TDRD9: variants seen among roughly 807,000 people sequenced by gnomAD.
The protein encoded by TDRD9 is ATP-dependent RNA helicase TDRD9.
TDRD9 carries 124 observed loss-of-function variants against 172.6 expected under a neutral mutation model. The ratio of observed to expected loss-of-function variants is 0.72; its 90% CI spans 0.62 to 0.83. TDRD9 has a LOEUF of 0.83. TDRD9 is among the 40% of genes least tolerant of loss of function. TDRD9 has a pLI of 0.00. For synonymous variants in TDRD9, 619 were observed against 617.1 expected (o/e 1.00, Z -0.05); for missense variants, 1,479 against 1,714.1 (o/e 0.86, Z 2.42).
chr14:103,949,101 C>T (rs1319531936), intron 1 of TDRD9, among the ~76,000 whole-genome samples: 1 of 152,066 alleles, frequency 6.6e-6, no homozygotes, highest in Non-Finnish European at 1.5e-5. Flanking sequence ...GTGAAGGTTG[C>T]ATAACATGAA....
Position 103,928,477 on chromosome 14 carries a change from C to A in TDRD9, c.-33C>A. 7.0e-7 allele frequency: 1 copy of A among 1,427,478 alleles called. No individual in the cohort carries two copies. Among genetic ancestry groups the A allele is most frequent in the Non-Finnish European group, 9.3e-7 (1 of 1,081,028 alleles). The allele number at this position is 1,427,478 out of a possible 1,614,324, so 88.4% of individuals were successfully genotyped here. ...GCCTGTTCCCGCCGCGGAGACCCGG[C>A]AGTTGGGGGATGCCGACGCCTGGGC... On this transcript the variant is annotated 5_prime_UTR_variant, in exon 1 of 36. Transcript: ENST00000409874.
intron 5 of TDRD9, among the ~76,000 whole-genome samples, chr14:103,969,724 C>G (rs1441793298): frequency 6.6e-6 from 1 of 151,656 alleles, no homozygotes; most frequent in Non-Finnish European, 1.5e-5. Context: ...TCTTACCGTC[C>G]CCTTGTACAT....
chr14:103,992,433 C>G (rs1286140739), intron 9 of TDRD9, among the ~76,000 whole-genome samples: 2 of 152,190 alleles, frequency 1.3e-5, no homozygotes, highest in Non-Finnish European at 1.5e-5. Context: ...AGGGAACAAC[C>G]ATGAGCTGAC....
At chr14:104,034,434 C>T (rs2152255829) in intron 31 of TDRD9, among the ~76,000 whole-genome samples, 1 of 152,286 alleles carries the variant, frequency 6.6e-6, no homozygotes, top group East Asian at 1.9e-4. Context: ...TCGTGATCCA[C>T]CCGCCTTGGC....
At chr14:103,992,761 A>C (rs1331589836) in intron 9 of TDRD9, among the ~76,000 whole-genome samples, 2 of 151,824 alleles carry the variant, frequency 1.3e-5, no homozygotes, top group Admixed American at 1.3e-4. Flanking sequence ...ATCTTTACTG[A>C]AAATACAAAA....
chr14:104,024,791 G>T, intron 25 of TDRD9, 111 bp downstream of exon 25: 1 of 448,398 alleles, frequency 2.2e-6, no homozygotes. Context: ...CACACACACA[G>T]AACTTGTGCA....
At chr14:104,011,343 T>C (rs994957352) in intron 20 of TDRD9, among the ~76,000 whole-genome samples, 1 of 152,246 alleles carries the variant, frequency 6.6e-6, no homozygotes, top group African/African-American at 2.4e-5. Context: ...TACGTGTGTG[T>C]GTGTGCATGT....
At chr14:103,975,657 T>G in intron 7 of TDRD9, 104 bp downstream of exon 7, 1 of 1,197,494 alleles carries the variant, frequency 8.4e-7, no homozygotes, top group South Asian at 1.8e-5. Context: ...AAAATTATTA[T>G]TTTAAAATTG....
intron 1 of TDRD9, among the ~76,000 whole-genome samples, chr14:103,952,214 ATATATATTTTTTTTTTTTTTTTTTTTT>A (rs2031946230): frequency 1.7e-5 from 1 of 57,398 alleles, no homozygotes; most frequent in African/African-American, 9.1e-5. Context: ...ATATATATAT[ATATATATTTTTTTTTTTTTTTTTTTTT>A]TTTTTTTTTT....
chr14:103,947,997 T>C (rs2031660359), intron 1 of TDRD9, among the ~76,000 whole-genome samples: 1 of 152,228 alleles, frequency 6.6e-6, no homozygotes, highest in South Asian at 2.1e-4. Flanking sequence ...TTTCCCAAAA[T>C]GCAACAAGAA....
At chr14:104,043,495 A>C (rs2035670582) in intron 34 of TDRD9, among the ~76,000 whole-genome samples, 2 of 152,058 alleles carry the variant, frequency 1.3e-5, no homozygotes, top group Admixed American at 6.6e-5. Context: ...CAGCCTCCCA[A>C]AGTGCTGGGA....
chr14:104,007,783 C>CTT (rs567870611), intron 19 of TDRD9, among the ~76,000 whole-genome samples: 1 of 142,980 alleles, frequency 7.0e-6, no homozygotes, highest in Non-Finnish European at 1.5e-5. Flanking sequence ...TGTTTAAAGT[C>CTT]TTTTTTTTTT....
intron 14 of TDRD9, 21 bp from the exon 15 acceptor site, chr14:104,005,253 C>A: frequency 6.2e-7 from 1 of 1,612,876 alleles, no homozygotes; most frequent in Non-Finnish European, 8.5e-7. Context: ...TATTTCTAAT[C>A]TCAGGCTTGT....
Position 104,026,150 on chromosome 14 carries a change from G to T in TDRD9, c.3021+14G>T. ...CTTCCTTTCCAGGTAAGGTAGAGAAGACTCTAGGGAATGAATGCTGCATGC... is the reference window on the plus strand; with the variant it reads ...CTTCCTTTCCAGGTAAGGTAGAGAATACTCTAGGGAATGAATGCTGCATGC... On this transcript the variant is annotated intron_variant, in intron 27 of 35. Transcript: ENST00000409874. 6.6e-7 allele frequency: 1 copy of T among 1,525,722 alleles called. No individual in the cohort carries two copies. The highest frequency in any genetic ancestry group is 9.1e-7 in the Non-Finnish European group (1 of 1,099,658). The allele number at this position is 1,525,722 out of a possible 1,614,324, so 94.5% of individuals were successfully genotyped here.
At chr14:104,046,235 G>A (rs933355809) in intron 34 of TDRD9, among the ~76,000 whole-genome samples, 2 of 152,206 alleles carry the variant, frequency 1.3e-5, no homozygotes, top group African/African-American at 4.8e-5. Flanking sequence ...GATTACAGGG[G>A]TGAGCCACCG....
rs749722047 is a variant in TDRD9 at position 104,005,297 on chromosome 14, C to T, written c.1605C>T (p.Ile535=). ...EMLRCPLGST[I]LKVKLLDMGE... is the part of the protein sequence containing the mutation. ...AGCGTTGTCCATTAGGAAGCACGAT[C>T]TTGAAAGTGAAATTACTTGACATGG... The change falls in exon 15 of 36, where the codon ATC becomes ATT. Residue 535 remains isoleucine, a synonymous_variant. Coordinates refer to ENST00000409874, the MANE Select transcript of TDRD9 (RefSeq NM_153046.3). 16 of 1,613,982 alleles carry T rather than the reference C, an allele frequency of 9.9e-6. No individual in the cohort carries two copies. The highest frequency in any genetic ancestry group is 1.4e-5 in the Non-Finnish European group (16 of 1,179,884).
At chr14:103,951,960 G>A (rs1472051157) in intron 1 of TDRD9, among the ~76,000 whole-genome samples, 1 of 150,664 alleles carries the variant, frequency 6.6e-6, no homozygotes, top group Non-Finnish European at 1.5e-5. Flanking sequence ...AGTAGAGACG[G>A]GGTTTCACCT....
At position 103,938,437 on chromosome 14, in the gene TDRD9, TA is replaced by T. The variant is rs1285506838; in HGVS notation, c.215+9714del. ...GTGTATATATATATATATATATATA[TA>T]TATTTTTTTTTTTTTTTTGAGATGG... On this transcript the variant is annotated intron_variant, in intron 1 of 35. Coordinates refer to ENST00000409874, the MANE Select transcript of TDRD9 (RefSeq NM_153046.3). 7.9e-3 allele frequency among the ~76,000 whole-genome samples: 441 copies of T among 55,866 alleles called. 10 individuals are homozygous for T. The highest frequency in any genetic ancestry group is 0.021 in the East Asian group (38 of 1,834). The allele number at this position is 55,866 out of a possible 152,430, so 36.7% of individuals were successfully genotyped here.
intron 13 of TDRD9, among the ~76,000 whole-genome samples, chr14:103,999,272 A>C (rs182437099): frequency 1.2e-4 from 19 of 152,282 alleles, no homozygotes; most frequent in African/African-American, 4.6e-4. Flanking sequence ...AAACCCCATC[A>C]TCCTGACACT....
Sources: allele counts gnomAD v4.1 joint callset (sites outside exome capture counted in the v4.1 genomes callset), GRCh38; gene constraint gnomAD v4.1.1; transcripts MANE v1.5; gene names NCBI Gene and HGNC (gene_info 2026-07-23, HGNC 2026-07-21).